Variants in SMAD3 observed in about 807,000 individuals in gnomAD.
The protein encoded by SMAD3 is SMAD family member 3.
SMAD3 carries 12 observed loss-of-function variants against 51.8 expected under a neutral mutation model. The observed-to-expected ratio is 0.23, with a 90% CI of 0.15 to 0.38. The LOEUF (loss-of-function observed/expected upper bound fraction) is 0.38. SMAD3 is among the 10% of genes least tolerant of loss of function. The pLI is 1.00. For synonymous variants in SMAD3, 238 were observed against 227.7 expected (o/e 1.05, Z -0.41); for missense variants, 294 against 565.6 (o/e 0.52, Z 4.87).
intron 5 of SMAD3, among the ~76,000 whole-genome samples, chr15:67,171,565 A>G (rs746575517): frequency 1.3e-5 from 2 of 152,226 alleles, no homozygotes; most frequent in Non-Finnish European, 2.9e-5. Flanking sequence ...GGCTCAGGAA[A>G]AGAAATAGTT....
chr15:67,155,462 A>G (rs376330117), intron 1 of SMAD3, among the ~76,000 whole-genome samples: 6 of 152,172 alleles, frequency 3.9e-5, no homozygotes, highest in Non-Finnish European at 8.8e-5. Flanking sequence ...ATGTTCTAAT[A>G]CTTGCGTATT....
chr15:67,096,213 G>A (rs1960612203), intron 1 of SMAD3, among the ~76,000 whole-genome samples: 1 of 152,182 alleles, frequency 6.6e-6, no homozygotes. Flanking sequence ...GACGGAAGAA[G>A]GGAAAGGAAA....
At chr15:67,166,151 CA>C in intron 3 of SMAD3, 1 of 1,010,982 alleles carries the variant, frequency 9.9e-7, no homozygotes, top group Non-Finnish European at 1.2e-6. Flanking sequence ...ACCCACTGTC[CA>C]ACCTTCTCAG....
intron 1 of SMAD3, among the ~76,000 whole-genome samples, chr15:67,108,603 G>A (rs530757841): frequency 1.2e-4 from 19 of 152,248 alleles, no homozygotes; most frequent in African/African-American, 3.9e-4. Flanking sequence ...TGGTTTCTGG[G>A]TTATTCTTCT....
chr15:67,127,294 G>T (rs1217470213), intron 1 of SMAD3, among the ~76,000 whole-genome samples: 1 of 152,202 alleles, frequency 6.6e-6, no homozygotes, highest in African/African-American at 2.4e-5. Flanking sequence ...TGTTTCTGCA[G>T]TGCCTCCCCC....
intron 1 of SMAD3, among the ~76,000 whole-genome samples, chr15:67,162,233 A>G (rs2140290198): frequency 6.6e-6 from 1 of 152,156 alleles, no homozygotes; most frequent in South Asian, 2.1e-4. Flanking sequence ...GTGCCCATGA[A>G]TTCTCTGTAT....
chr15:67,083,314 A>T (rs912743293), intron 1 of SMAD3, among the ~76,000 whole-genome samples: 1 of 152,132 alleles, frequency 6.6e-6, no homozygotes, highest in African/African-American at 2.4e-5. Flanking sequence ...GTGGTCTCAG[A>T]TGTTTACCAT....
chr15:67,143,968 CT>C (rs60425554), intron 1 of SMAD3, among the ~76,000 whole-genome samples: 2,747 of 145,096 alleles, frequency 0.019, 83 homozygotes, highest in African/African-American at 0.063. Context: ...TGTGCCCTGC[CT>C]TTTTTTTTTT....
intron 1 of SMAD3, among the ~76,000 whole-genome samples, chr15:67,150,809 TTTTTTTTTTTA>T (rs1184098413): frequency 1.5e-5 from 2 of 132,326 alleles, no homozygotes; most frequent in African/African-American, 2.8e-5. Flanking sequence ...TTTTTTTTTT[TTTTTTTTTTTA>T]TTAAGAGAGC....
chr15:67,164,336 AAAAAAAAAAGAG>A (rs1488540145), intron 1 of SMAD3, among the ~76,000 whole-genome samples: 2 of 150,900 alleles, frequency 1.3e-5, no homozygotes, highest in South Asian at 2.1e-4. Context: ...AAAAAAAAAA[AAAAAAAAAAGAG>A]GAGGAAAGGC....
chr15:67,075,659 A>G (rs1960151630), intron 1 of SMAD3, among the ~76,000 whole-genome samples: 1 of 152,216 alleles, frequency 6.6e-6, no homozygotes, highest in Non-Finnish European at 1.5e-5. Context: ...TCATGCCTAT[A>G]ATCCCAGCAC....
chr15:67,076,408 C>T (rs368392341), intron 1 of SMAD3, among the ~76,000 whole-genome samples: 2 of 152,148 alleles, frequency 1.3e-5, no homozygotes, highest in African/African-American at 2.4e-5. Context: ...GATAGCTGCC[C>T]GTAAGTGCAT....
intron 1 of SMAD3, among the ~76,000 whole-genome samples, chr15:67,159,669 C>A (rs1239027368): frequency 1.5e-5 from 1 of 64,810 alleles, no homozygotes; most frequent in Non-Finnish European, 3.0e-5. Flanking sequence ...AATCCCTACT[C>A]CCTCCCTGTA....
intron 1 of SMAD3, chr15:67,138,161 C>T: frequency 1.6e-6 from 2 of 1,281,626 alleles, no homozygotes; most frequent in Non-Finnish European, 2.2e-6. Flanking sequence ...CCCACCCGTC[C>T]ACAGGGTTGC....
intron 1 of SMAD3, among the ~76,000 whole-genome samples, chr15:67,075,763 A>G (rs1960153469): frequency 6.6e-6 from 1 of 152,020 alleles, no homozygotes; most frequent in Non-Finnish European, 1.5e-5. Context: ...AAAAATATAA[A>G]AATTAGCCGG....
intron 1 of SMAD3, among the ~76,000 whole-genome samples, chr15:67,152,861 T>C (rs776860271): frequency 1.3e-5 from 2 of 152,144 alleles, no homozygotes; most frequent in Admixed American, 6.5e-5. Flanking sequence ...AGCTATTAAA[T>C]AGAAAAGCCC....
chr15:67,136,594 G>T (rs547916873), intron 1 of SMAD3, among the ~76,000 whole-genome samples: 1 of 152,258 alleles, frequency 6.6e-6, no homozygotes, highest in East Asian at 1.9e-4. Context: ...GCCTCCCAAA[G>T]TACTGGGATT....
rs1460851013 is a variant in SMAD3 at position 67,194,894 on chromosome 15, T to C, written c.*4358T>C. On this transcript the variant is annotated 3_prime_UTR_variant, in exon 9 of 9. Transcript: ENST00000327367. ...AGCCTTCACTCACCTTCACTGCTGCTGTTGCAACTCGGCTGTTCTGGACTC... is the reference window on the plus strand; with the variant it reads ...AGCCTTCACTCACCTTCACTGCTGCCGTTGCAACTCGGCTGTTCTGGACTC... 8.6e-6 allele frequency: 2 copies of C among 233,608 alleles called. No individual in the cohort carries two copies. Among genetic ancestry groups the C allele is most frequent in the African/African-American group, 2.2e-5 (1 of 45,346 alleles). The allele number at this position is 233,608 out of a possible 1,614,324, so 14.5% of individuals were successfully genotyped here.
intron 1 of SMAD3, among the ~76,000 whole-genome samples, chr15:67,133,567 C>A (rs1595919261): frequency 2.6e-5 from 4 of 152,084 alleles, no homozygotes; most frequent in African/African-American, 7.2e-5. Flanking sequence ...TTGTGACCCC[C>A]AAAATGAATG....
Sources: gnomAD v4.1 joint callset for allele counts (sites outside exome capture counted in the v4.1 genomes callset) on GRCh38, gnomAD v4.1.1 for gene constraint, MANE v1.5 for transcripts, NCBI Gene and HGNC (gene_info 2026-07-23, HGNC 2026-07-21) for gene names.